The following ACOXL variants were observed in gnomAD, a reference collection of about 807,000 sequenced individuals.
ACOXL encodes the protein acyl-coenzyme A oxidase-like protein.
A neutral mutation model predicts 71.9 loss-of-function variants in ACOXL; 70 were observed. The observed-to-expected ratio is 0.97, with a 90% CI of 0.80 to 1.19. The LOEUF (loss-of-function observed/expected upper bound fraction) is 1.19. ACOXL is among the 50% of genes most tolerant of loss of function. The pLI is 0.00. For synonymous variants in ACOXL, 253 were observed against 281.6 expected, an observed-to-expected ratio of 0.90 and a Z score of 1.02; for missense variants, 703 against 736.3, an observed-to-expected ratio of 0.95 and a Z score of 0.52.
chr2:110,925,296 T>C (rs1470243947), intron 11 of ACOXL, among the ~76,000 whole-genome samples: 2 of 152,252 alleles, frequency 1.3e-5, no homozygotes, highest in Admixed American at 1.3e-4. Flanking sequence ...CTCTGTTCTT[T>C]GAAGTTTTGA....
In ACOXL at chr2:110,927,983, A is replaced by G. The variant is rs146804739; in HGVS notation, c.906-5506A>G. 3.6e-3 allele frequency among the ~76,000 whole-genome samples: 543 copies of G among 152,266 alleles called. 3 individuals are homozygous for G. Among genetic ancestry groups the G allele is most frequent in the African/African-American group, 0.012 (513 of 41,556 alleles). ...TTCCTAACTTAGAAAATGATTAACA[A>G]TTTTAAAAAATCAATATTTGCAGTC... is the stretch of plus-strand genomic sequence containing the variant. On this transcript the variant is annotated intron_variant, in intron 11 of 17. Transcript: ENST00000439055.
At chr2:110,753,999 T>C (rs904341108) in intron 1 of ACOXL, among the ~76,000 whole-genome samples, 2 of 151,990 alleles carry the variant, frequency 1.3e-5, no homozygotes, top group Admixed American at 1.3e-4. Context: ...GTGTGCTTGC[T>C]GGTCATTTAT....
At position 110,829,365 on chromosome 2, in the gene ACOXL, G is replaced by A. The variant is rs941303079; in HGVS notation, c.754-12006G>A. Among the ~76,000 whole-genome samples, 11 of 152,240 alleles carry A rather than the reference G, an allele frequency of 7.2e-5. No individual in the cohort carries two copies. In the East Asian group the frequency reaches 1.5e-3, roughly 21 times the overall value. ...CTGGTCTCCTGCCTTACTGATAGCC[G>A]TGGGGCATGCTGATCTTCCCTTAGC... On this transcript the variant is annotated intron_variant, in intron 9 of 17. Transcript: ENST00000439055.
intron 16 of ACOXL, among the ~76,000 whole-genome samples, chr2:111,072,625 G>T (rs927235313): frequency 1.3e-5 from 2 of 152,174 alleles, no homozygotes; most frequent in African/African-American, 4.8e-5. Context: ...CATTGGCACT[G>T]CCAACCTTGA....
At chr2:110,866,093 G>C (rs952789294) in intron 10 of ACOXL, among the ~76,000 whole-genome samples, 3 of 152,234 alleles carry the variant, frequency 2.0e-5, no homozygotes, top group African/African-American at 7.2e-5. Flanking sequence ...AGGTCAGGCA[G>C]CTTGCCCACT....
At chr2:111,082,872 A>G (rs1439113745) in intron 16 of ACOXL, among the ~76,000 whole-genome samples, 2 of 152,234 alleles carry the variant, frequency 1.3e-5, no homozygotes, top group Non-Finnish European at 2.9e-5. Flanking sequence ...GGATGAGTTA[A>G]TGAACTTTTC....
intron 11 of ACOXL, among the ~76,000 whole-genome samples, chr2:110,930,249 A>G (rs1409724150): frequency 6.6e-6 from 1 of 152,224 alleles, no homozygotes; most frequent in Non-Finnish European, 1.5e-5. Flanking sequence ...TGAGACAAAG[A>G]GTCAAAGGAG....
intron 14 of ACOXL, among the ~76,000 whole-genome samples, chr2:111,014,845 A>G (rs946579301): frequency 2.6e-5 from 4 of 152,210 alleles, no homozygotes; most frequent in Middle Eastern, 3.2e-3. Flanking sequence ...ATTTTTTGAC[A>G]AAGGTATGAA....
At chr2:110,833,467 G>A (rs1690082510) in intron 9 of ACOXL, among the ~76,000 whole-genome samples, 1 of 152,156 alleles carries the variant, frequency 6.6e-6, no homozygotes, top group Non-Finnish European at 1.5e-5. Context: ...TCACCATGAG[G>A]GATGCTTGCG....
chr2:111,080,134 T>G (rs1460507546), intron 16 of ACOXL, among the ~76,000 whole-genome samples: 2 of 152,176 alleles, frequency 1.3e-5, no homozygotes, highest in Admixed American at 1.3e-4. Flanking sequence ...TTAGTCTGAC[T>G]AGCAATCTAT....
At chr2:110,896,188 T>C (rs2059001383) in intron 10 of ACOXL, among the ~76,000 whole-genome samples, 1 of 152,128 alleles carries the variant, frequency 6.6e-6, no homozygotes, top group South Asian at 2.1e-4. Context: ...ATGAGTTATG[T>C]ATATAACATT....
intron 14 of ACOXL, among the ~76,000 whole-genome samples, chr2:111,022,405 A>C: frequency 7.0e-6 from 1 of 141,938 alleles, no homozygotes; most frequent in South Asian, 2.3e-4. Flanking sequence ...ACAGACAAAT[A>C]TATAAAGACC....
At chr2:111,040,480 G>C (rs1288809174) in intron 15 of ACOXL, among the ~76,000 whole-genome samples, 1 of 152,116 alleles carries the variant, frequency 6.6e-6, no homozygotes, top group African/African-American at 2.4e-5. Context: ...ATTTGTTGAA[G>C]TCCTGCCTTG....
chr2:110,932,859 C>T lies in ACOXL; in HGVS notation c.906-630C>T, dbSNP rs139289611. ...AAGGAGAGGTTTTCCAATGGGAGAA[C>T]GATGTGGTGGAGACTCATGGTTGCA... is the stretch of plus-strand genomic sequence containing the variant. On this transcript the variant is annotated intron_variant, in intron 11 of 17. Coordinates refer to ENST00000439055, the MANE Select transcript of ACOXL (RefSeq NM_001142807.4). 6.0e-3 allele frequency among the ~76,000 whole-genome samples: 918 copies of T among 152,162 alleles called. 4 individuals carry two copies. The highest frequency in any genetic ancestry group is 8.9e-3 in the Non-Finnish European group (608 of 68,002).
intron 10 of ACOXL, among the ~76,000 whole-genome samples, chr2:110,858,294 T>G (rs745591003): frequency 3.3e-5 from 5 of 152,188 alleles, no homozygotes; most frequent in Non-Finnish European, 5.9e-5. Flanking sequence ...CCTTTCGATG[T>G]TAGAGAACAG....
At chr2:110,737,530 C>A (rs1677015433) in intron 1 of ACOXL, among the ~76,000 whole-genome samples, 1 of 152,200 alleles carries the variant, frequency 6.6e-6, no homozygotes. Context: ...TCTGTCACAA[C>A]CTTTTTATTT....
At chr2:110,971,658 G>T (rs1037322283) in intron 12 of ACOXL, among the ~76,000 whole-genome samples, 1 of 152,176 alleles carries the variant, frequency 6.6e-6, no homozygotes, top group African/African-American at 2.4e-5. Flanking sequence ...GAGGACAGTG[G>T]CATGTAGTGG....
At chr2:110,790,472 G>A (rs914254593) in intron 3 of ACOXL, among the ~76,000 whole-genome samples, 1 of 152,138 alleles carries the variant, frequency 6.6e-6, no homozygotes, top group Admixed American at 6.5e-5. Flanking sequence ...TCGTGTGCTC[G>A]ATGTCATAGC....
At chr2:111,024,730 G>A (rs2064939106) in intron 14 of ACOXL, among the ~76,000 whole-genome samples, 2 of 151,950 alleles carry the variant, frequency 1.3e-5, no homozygotes, top group South Asian at 4.1e-4. Flanking sequence ...GCGGTATCTT[G>A]TTATCAGGAA....
Sources: gnomAD v4.1 joint callset for allele counts (sites outside exome capture counted in the v4.1 genomes callset) on GRCh38, gnomAD v4.1.1 for gene constraint, MANE v1.5 for transcripts, NCBI Gene and HGNC (gene_info 2026-07-23, HGNC 2026-07-21) for gene names.